Variants in EPB41L4B observed in about 807,000 individuals in gnomAD.
The protein encoded by EPB41L4B is erythrocyte membrane protein band 4.1 like 4B.
In EPB41L4B, 30 loss-of-function variants were observed where a neutral mutation model predicts 112.5. That is an observed-to-expected ratio of 0.27 (90% CI 0.20 to 0.36). The LOEUF is 0.36. Ranked by LOEUF, EPB41L4B falls within the 10% of genes least tolerant of loss-of-function variation. The probability of loss-of-function intolerance (pLI) is 1.00; values close to 1 mark genes in which losing one functional copy is unlikely to be tolerated. For missense variants in EPB41L4B, 1,024 were observed against 1,133.3 expected (o/e 0.90, Z 1.38); for synonymous variants, 408 against 439.7 (o/e 0.93, Z 0.90).
intron 1 of EPB41L4B, among the ~76,000 whole-genome samples, chr9:109,313,971 G>C (rs1469672134): frequency 6.6e-6 from 1 of 152,216 alleles, no homozygotes. Context: ...TCCAACCTTT[G>C]TGTATTTTCA....
intron 15 of EPB41L4B, among the ~76,000 whole-genome samples, chr9:109,238,182 T>C (rs536993090): frequency 1.3e-5 from 2 of 152,302 alleles, no homozygotes; most frequent in Admixed American, 1.3e-4. Context: ...AAGCCTAGCA[T>C]TAGATGACTA....
At chr9:109,215,366 AC>A (rs1032448228) in intron 16 of EPB41L4B, among the ~76,000 whole-genome samples, 1 of 148,476 alleles carries the variant, frequency 6.7e-6, no homozygotes, top group Middle Eastern at 3.2e-3. Flanking sequence ...TGCAACCTCC[AC>A]CTCCCAGGTT....
rs369857273 is a variant in EPB41L4B at position 109,259,020 on chromosome 9, T to A, written c.632-723A>T. 1.2e-4 allele frequency among the ~76,000 whole-genome samples: 18 copies of A among 151,546 alleles called. 1 individual carries two copies. The East Asian group carries it at 2.1e-3, about 18-fold the overall frequency. On this transcript the variant is annotated intron_variant, in intron 6 of 25. Transcript: ENST00000374566. ...CCCTCCTCCAGGGATGATGAGAAAA[T>A]CCACTCTCCCCCACCCCCTGCAGCT...
At chr9:109,222,905 A>G (rs1401707525) in intron 15 of EPB41L4B, among the ~76,000 whole-genome samples, 1 of 152,100 alleles carries the variant, frequency 6.6e-6, no homozygotes, top group African/African-American at 2.4e-5. Flanking sequence ...ACTGACCCTG[A>G]TCTCATTTCT....
chr9:109,240,919 G>A (rs1834333061), intron 15 of EPB41L4B: 1 of 985,282 alleles, frequency 1.0e-6, no homozygotes, highest in East Asian at 1.1e-4. Flanking sequence ...CAAAACAAAT[G>A]CTATGCAATT....
chr9:109,234,606 T>C (rs1217373887), intron 15 of EPB41L4B, among the ~76,000 whole-genome samples: 1 of 152,216 alleles, frequency 6.6e-6, no homozygotes, highest in African/African-American at 2.4e-5. Context: ...AGCTCTCCCC[T>C]GTAAACCCAG....
chr9:109,231,233 A>C (rs1588154044), intron 15 of EPB41L4B, among the ~76,000 whole-genome samples: 1 of 152,112 alleles, frequency 6.6e-6, no homozygotes, highest in Admixed American at 6.5e-5. Flanking sequence ...AATTGGCCCA[A>C]AACTTTTCCA....
At chr9:109,279,274 C>A (rs1835947235) in intron 2 of EPB41L4B, among the ~76,000 whole-genome samples, 1 of 151,588 alleles carries the variant, frequency 6.6e-6, no homozygotes, top group African/African-American at 2.4e-5. Flanking sequence ...GCTGAGGTGG[C>A]AGGATCGATT....
chr9:109,320,105 G>T, intron 1 of EPB41L4B, 36 bp downstream of exon 1: 2 of 1,394,536 alleles, frequency 1.4e-6, no homozygotes, highest in Non-Finnish European at 1.9e-6. Context: ...CCAGGGGCGC[G>T]AGGTGCCAGT....
At chr9:109,306,754 C>G (rs569009700) in intron 1 of EPB41L4B, among the ~76,000 whole-genome samples, 212 of 152,282 alleles carry the variant, frequency 1.4e-3, no homozygotes, top group African/African-American at 3.9e-3. Flanking sequence ...TCTAAGCATG[C>G]AGTAAACATC....
At chr9:109,302,106 A>G (rs1445768166) in intron 1 of EPB41L4B, among the ~76,000 whole-genome samples, 1 of 152,236 alleles carries the variant, frequency 6.6e-6, no homozygotes, top group African/African-American at 2.4e-5. Context: ...GAAACTGGGT[A>G]AAAGCATGTA....
chr9:109,207,130 CA>C (rs1381355682), intron 18 of EPB41L4B, among the ~76,000 whole-genome samples: 2 of 151,934 alleles, frequency 1.3e-5, no homozygotes, highest in Admixed American at 1.3e-4. Context: ...TTAGTCTCCA[CA>C]GGGCTTCTCC....
intron 23 of EPB41L4B, 89 bp from the exon 24 acceptor site, chr9:109,182,886 A>G (rs10122682): frequency 0.99 from 907,929 of 913,664 alleles, 451,138 homozygotes; most frequent in East Asian, 1. Context: ...AAATGGAACC[A>G]AAGGATTCAG....
intron 22 of EPB41L4B, among the ~76,000 whole-genome samples, chr9:109,191,165 C>A (rs560811776): frequency 6.6e-6 from 1 of 152,262 alleles, no homozygotes; most frequent in South Asian, 2.1e-4. Context: ...AAATAGGATT[C>A]TGGAACAAAG....
chr9:109,279,047 C>T (rs1040036347), intron 2 of EPB41L4B, among the ~76,000 whole-genome samples: 57 of 152,272 alleles, frequency 3.7e-4, no homozygotes, highest in African/African-American at 1.3e-3. Context: ...CCAACCCCAT[C>T]CACCCCCAAC....
rs1835643801 is a variant in EPB41L4B, at chr9:109,272,079, A to T, written c.412-3646T>A. ...AGAGCATCTAACAACTCTCTGCTGG[A>T]ACATCTCCTGAGCCTTCACCATTAA... On this transcript the variant is annotated intron_variant, in intron 2 of 25. Coordinates refer to ENST00000374566, the MANE Select transcript of EPB41L4B (RefSeq NM_019114.5). Among the ~76,000 whole-genome samples the T allele has an allele frequency of 3.3e-5, 5 of 152,166 alleles. 1 individual carries two copies. In the South Asian group the frequency reaches 1.0e-3, roughly 32 times the overall value.
chr9:109,283,913 C>T (rs1457016232), intron 1 of EPB41L4B, among the ~76,000 whole-genome samples: 1 of 148,848 alleles, frequency 6.7e-6, no homozygotes, highest in African/African-American at 2.5e-5. Flanking sequence ...ATAGCAAGAC[C>T]CCATCTCTAC....
At chr9:109,246,163 A>G (rs1196474154) in intron 14 of EPB41L4B, among the ~76,000 whole-genome samples, 1 of 152,234 alleles carries the variant, frequency 6.6e-6, no homozygotes, top group Admixed American at 6.5e-5. Context: ...GCACTTTGGG[A>G]GGCTGAGGCG....
At chr9:109,204,796 CA>C (rs1391839231) in intron 18 of EPB41L4B, among the ~76,000 whole-genome samples, 1 of 152,206 alleles carries the variant, frequency 6.6e-6, no homozygotes, top group Non-Finnish European at 1.5e-5. Context: ...CACACCCAGC[CA>C]AAGCCTTTTT....
Sources: gnomAD v4.1 joint callset for allele counts (sites outside exome capture counted in the v4.1 genomes callset) on GRCh38, gnomAD v4.1.1 for gene constraint, MANE v1.5 for transcripts, NCBI Gene and HGNC (gene_info 2026-07-23, HGNC 2026-07-21) for gene names.